INKA2: variants seen among roughly 807,000 people sequenced by gnomAD.
The protein encoded by INKA2 is inka box actin regulator 2.
Under a neutral mutation model 9.8 loss-of-function variants are expected in INKA2, and 3 were observed. The ratio of observed to expected loss-of-function variants is 0.31; its 90% CI spans 0.14 to 0.79. The LOEUF (loss-of-function observed/expected upper bound fraction) is 0.79. Ranked by LOEUF, INKA2 falls within the 30% of genes least tolerant of loss-of-function variation. INKA2 has a pLI of 0.62. For synonymous variants in INKA2, 147 were observed against 143.3 expected (o/e 1.03, Z -0.18); for missense variants, 392 against 384.4 (o/e 1.02, Z -0.17).
chr1:111,729,730 G>A (rs1460559828), intron 1 of INKA2, among the ~76,000 whole-genome samples: 1 of 152,254 alleles, frequency 6.6e-6, no homozygotes, highest in Middle Eastern at 3.2e-3. Context: ...AACCCAGAAG[G>A]TGGAGGGATC....
chr1:111,730,552 C>A (rs1370199519), intron 1 of INKA2, among the ~76,000 whole-genome samples: 1 of 152,186 alleles, frequency 6.6e-6, no homozygotes, highest in African/African-American at 2.4e-5. Flanking sequence ...CAAATCCAAA[C>A]TATTTGGTCA....
In INKA2 at chr1:111,726,527, C is replaced by G; in HGVS notation, c.*441G>C. On this transcript the variant is annotated 3_prime_UTR_variant, in exon 2 of 2. Transcript: ENST00000357260. ...AAGGTTGGGAGAGCCATAGACAGGT[C>G]TTTATTTGGGGGCCTATCTGGGGAA... 1 of 195,854 alleles carries G rather than the reference C, an allele frequency of 5.1e-6. No individual in the cohort carries two copies. The highest frequency in any genetic ancestry group is 1.0e-5 in the Non-Finnish European group (1 of 95,998). 12.1% of individuals were successfully genotyped at this position (195,854 alleles called of 1,614,324 possible). A position where few individuals can be genotyped will look rare whatever the true frequency, so the allele number is the denominator to read the frequency against.
At chr1:111,750,746 C>T (rs968800031) in intron 1 of INKA2, among the ~76,000 whole-genome samples, 3 of 152,166 alleles carry the variant, frequency 2.0e-5, no homozygotes, top group East Asian at 1.9e-4. Flanking sequence ...CCAAACTGCT[C>T]GGCTTTGCCA....
Position 111,723,317 on chromosome 1 carries a change from G to C in INKA2, c.*3651C>G, listed in dbSNP as rs1044737572. 7.7e-6 allele frequency: 4 copies of C among 519,900 alleles called. No homozygotes were observed. Among genetic ancestry groups the C allele is most frequent in the Admixed American group, 7.4e-5 (2 of 27,100 alleles). 32.2% of individuals were successfully genotyped at this position (519,900 alleles called of 1,614,324 possible). On this transcript the variant is annotated 3_prime_UTR_variant, in exon 2 of 2. Transcript: ENST00000357260. ...TCTTTGGGGCAAGTTTGGGTTCAGA[G>C]ATCACCCTGAGGGGCGGGGCACAAG...
In INKA2 at chr1:111,727,118, G is replaced by C. The variant is rs1199390864; in HGVS notation, c.744C>G (p.Val248=). 10 of 1,614,134 alleles carry C rather than the reference G, an allele frequency of 6.2e-6. No individual in the cohort carries two copies. In the East Asian group the frequency reaches 2.2e-4, roughly 36 times the overall value. The change falls in exon 2 of 2, where the codon GTC becomes GTG. Residue 248 remains valine, a synonymous_variant. Coordinates refer to ENST00000357260, the MANE Select transcript of INKA2 (RefSeq NM_019099.5). The stretch of plus-strand genomic sequence containing the variant: ...AGCCCTTGGAAAGGCTCCGCTTCTT[G>C]ACCTTCTGTGAGCGGCCGGTTCGGG... ...PESRTGRSQK[V]KKRSLSKGSG...
intron 1 of INKA2, chr1:111,754,181 AG>A (rs1663473589): frequency 1.3e-5 from 2 of 152,372 alleles, no homozygotes; most frequent in East Asian, 3.8e-4. Flanking sequence ...AAAGGAGTCA[AG>A]AATAATTCCC....
upstream of INKA2, chr1:111,744,253 T>G (rs1030597297): frequency 1.3e-5 from 2 of 152,136 alleles, no homozygotes; most frequent in Admixed American, 1.3e-4. Flanking sequence ...AAATAATCAC[T>G]TCGGGTTTTA....
At chr1:111,734,187 A>G (rs1043236192) in intron 1 of INKA2, among the ~76,000 whole-genome samples, 2 of 152,154 alleles carry the variant, frequency 1.3e-5, no homozygotes, top group Non-Finnish European at 2.9e-5. Context: ...AGGGCTGTGA[A>G]ATGGATGGGC....
chr1:111,755,523 G>A, intron 1 of INKA2: 1 of 682,144 alleles, frequency 1.5e-6, no homozygotes, highest in Non-Finnish European at 2.4e-6. Context: ...CCAGCGGAAC[G>A]GAAAACGGAA....
chr1:111,751,388 A>G (rs12124584), intron 1 of INKA2, among the ~76,000 whole-genome samples: 8,316 of 152,290 alleles, frequency 0.055, 293 homozygotes, highest in Non-Finnish European at 0.073. Flanking sequence ...AGTACTGCAT[A>G]TGATTTTACA....
At chr1:111,746,473 C>T (rs1214058687) in intron 1 of INKA2, 1 of 152,204 alleles carries the variant, frequency 6.6e-6, no homozygotes, top group African/African-American at 2.4e-5. Flanking sequence ...GTGACTGAGG[C>T]AATAGAGAGT....
At chr1:111,728,606 C>A (rs1452947949) in intron 1 of INKA2, among the ~76,000 whole-genome samples, 1 of 152,084 alleles carries the variant, frequency 6.6e-6, no homozygotes, top group Non-Finnish European at 1.5e-5. Context: ...AAAATTCTAC[C>A]CTGACCTCAT....
intron 1 of INKA2, among the ~76,000 whole-genome samples, chr1:111,751,575 C>T (rs1181629863): frequency 6.6e-6 from 1 of 152,170 alleles, no homozygotes; most frequent in African/African-American, 2.4e-5. Flanking sequence ...TGAGGAGTTA[C>T]TTGAGGGCAG....
upstream of INKA2, among the ~76,000 whole-genome samples, chr1:111,740,604 A>G (rs1663122868): frequency 6.6e-6 from 1 of 152,060 alleles, no homozygotes; most frequent in African/African-American, 2.4e-5. Flanking sequence ...GGACAACTGT[A>G]AGAACACCAG....
chr1:111,723,393 G>C lies in INKA2; in HGVS notation c.*3575C>G. The stretch of plus-strand genomic sequence containing the variant: ...GAGAGGTCCCAAGTCTGAAAGGTTG[G>C]GAAGAGAAAGGGAGGAGGGAGACCA... On this transcript the variant is annotated 3_prime_UTR_variant, in exon 2 of 2. Transcript: ENST00000357260. The C allele has an allele frequency of 2.4e-6, 1 of 420,754 alleles. No individual in the cohort carries two copies. Among genetic ancestry groups the C allele is most frequent in the Middle Eastern group, 5.9e-4 (1 of 1,696 alleles). 26.1% of individuals were successfully genotyped at this position (420,754 alleles called of 1,614,324 possible). A position where few individuals can be genotyped will look rare whatever the true frequency, so the allele number is the denominator to read the frequency against.
intron 1 of INKA2, among the ~76,000 whole-genome samples, chr1:111,748,235 A>C (rs1029903142): frequency 5.9e-5 from 9 of 152,246 alleles, no homozygotes; most frequent in Admixed American, 5.9e-4. Flanking sequence ...ATGGCACTCC[A>C]GGGACTAAGT....
rs1416742065 is a variant in INKA2, at chr1:111,724,552, T to A, written c.*2416A>T. 7.0e-6 allele frequency: 1 copy of A among 143,296 alleles called. No homozygotes were observed. Among genetic ancestry groups the A allele is most frequent in the Non-Finnish European group, 1.5e-5 (1 of 67,066 alleles). 8.9% of individuals were successfully genotyped at this position (143,296 alleles called of 1,614,324 possible). On this transcript the variant is annotated 3_prime_UTR_variant, in exon 2 of 2. Transcript: ENST00000357260. ...AGGTGGAATCTTAACATGCAGTTTC[T>A]TAGCACGCGCAGGCACACACACACA...
intron 1 of INKA2, among the ~76,000 whole-genome samples, chr1:111,753,612 G>C (rs1255372966): frequency 2.0e-5 from 3 of 152,162 alleles, no homozygotes; most frequent in Non-Finnish European, 4.4e-5. Context: ...TAATCCTGTG[G>C]TTCTTCAGCA....
intron 1 of INKA2, among the ~76,000 whole-genome samples, chr1:111,748,642 T>C (rs1289633825): frequency 6.6e-6 from 1 of 152,214 alleles, no homozygotes; most frequent in Non-Finnish European, 1.5e-5. Flanking sequence ...CTGATCTTCT[T>C]ACCAATCCTA....
Sources: allele counts gnomAD v4.1 joint callset (sites outside exome capture counted in the v4.1 genomes callset), GRCh38; gene constraint gnomAD v4.1.1; transcripts MANE v1.5; gene names NCBI Gene and HGNC (gene_info 2026-07-23, HGNC 2026-07-21).